RIT2: variants seen among roughly 807,000 people sequenced by gnomAD.
RIT2 encodes GTP-binding protein Rit2.
In RIT2, 24 loss-of-function variants were observed where a neutral mutation model predicts 23.7. The ratio of observed to expected loss-of-function variants is 1.01; its 90% CI spans 0.73 to 1.43. The LOEUF (loss-of-function observed/expected upper bound fraction) is 1.43. Ranked by LOEUF, RIT2 falls within the 40% of genes most tolerant of loss-of-function variation. The pLI, the probability that RIT2 is intolerant of heterozygous loss-of-function variation, is 0.00. For synonymous variants in RIT2, 107 were observed against 91.1 expected, an observed-to-expected ratio of 1.17 and a Z score of -0.99; for missense variants, 236 against 266.9, an observed-to-expected ratio of 0.88 and a Z score of 0.81.
chr18:42,980,655 C>G (rs532623828), intron 2 of RIT2, among the ~76,000 whole-genome samples: 1 of 152,270 alleles, frequency 6.6e-6, no homozygotes, highest in African/African-American at 2.4e-5. Context: ...GTCTGTGCCC[C>G]TGGACTCCTC....
intron 4 of RIT2, among the ~76,000 whole-genome samples, chr18:42,862,156 T>C (rs963776758): frequency 6.6e-6 from 1 of 152,184 alleles, no homozygotes; most frequent in Non-Finnish European, 1.5e-5. Context: ...GGGAGGGACC[T>C]GGTGAGAGAT....
In RIT2 at chr18:42,898,962, A is replaced by C. The variant is rs532168364; in HGVS notation, c.426+24610T>G. Among the ~76,000 whole-genome samples, 13 of 152,242 alleles carry C rather than the reference A, an allele frequency of 8.5e-5. No homozygotes were observed. The South Asian group carries it at 2.1e-3, about 24-fold the overall frequency. ...CTTTGTCTTATTACAAATGATGCTCACTTTTATCACTTGGTTACAGTGTTG... is the reference window on the plus strand; with the variant it reads ...CTTTGTCTTATTACAAATGATGCTCCCTTTTATCACTTGGTTACAGTGTTG... On this transcript the variant is annotated intron_variant, in intron 4 of 4. Transcript: ENST00000326695.
At chr18:43,063,688 A>G (rs1039870012) in intron 1 of RIT2, among the ~76,000 whole-genome samples, 1 of 152,180 alleles carries the variant, frequency 6.6e-6, no homozygotes, top group Non-Finnish European at 1.5e-5. Flanking sequence ...CATAAAATAC[A>G]GTTCTTATGT....
chr18:42,962,851 C>CA (rs1309241698), intron 3 of RIT2, among the ~76,000 whole-genome samples: 1 of 152,132 alleles, frequency 6.6e-6, no homozygotes, highest in Non-Finnish European at 1.5e-5. Context: ...ATAAACTTCA[C>CA]AAATGGTCTG....
chr18:42,861,637 G>A (rs1907330879), intron 4 of RIT2, among the ~76,000 whole-genome samples: 1 of 152,172 alleles, frequency 6.6e-6, no homozygotes, highest in South Asian at 2.1e-4. Context: ...TTCTGACCAT[G>A]CTGTTCCACT....
intron 4 of RIT2, among the ~76,000 whole-genome samples, chr18:42,856,916 G>C (rs113664970): frequency 0.11 from 15,644 of 138,668 alleles, 938 homozygotes; most frequent in Middle Eastern, 0.26. Context: ...TGAAAGCTCC[G>C]CCTCCCAGTT....
chr18:42,988,848 G>T (rs1421342359), intron 2 of RIT2, among the ~76,000 whole-genome samples: 2 of 152,194 alleles, frequency 1.3e-5, no homozygotes, highest in Non-Finnish European at 2.9e-5. Flanking sequence ...GTGAACAGCA[G>T]AGCTGCAAGA....
intron 4 of RIT2, among the ~76,000 whole-genome samples, chr18:42,834,428 G>C (rs1598674243): frequency 6.6e-6 from 1 of 152,118 alleles, no homozygotes; most frequent in East Asian, 1.9e-4. Flanking sequence ...CCAAAATGAT[G>C]CTTTAACTGA....
intron 1 of RIT2, among the ~76,000 whole-genome samples, chr18:43,046,817 A>G (rs1045383318): frequency 6.6e-6 from 1 of 152,190 alleles, no homozygotes; most frequent in Admixed American, 6.5e-5. Flanking sequence ...GACAAATGCA[A>G]TTGTCTTTTA....
At chr18:42,858,289 C>T (rs774283448) in intron 4 of RIT2, among the ~76,000 whole-genome samples, 2 of 152,306 alleles carry the variant, frequency 1.3e-5, no homozygotes, top group African/African-American at 2.4e-5. Context: ...ACCATCTCTG[C>T]ACTTCTGTAT....
At chr18:42,791,479 A>G (rs1427326667) in intron 4 of RIT2, among the ~76,000 whole-genome samples, 2 of 152,148 alleles carry the variant, frequency 1.3e-5, no homozygotes, top group Non-Finnish European at 2.9e-5. Flanking sequence ...CAAGTACCCA[A>G]ATATTTACTT....
rs535614707 is a variant in RIT2, at chr18:42,823,013, T to A, written c.427-79293A>T. ...CCCAAGAAAACTATGGTGGAAAGCC[T>A]ATCCGTGGAGCATCCCCAGAGGCTC... On this transcript the variant is annotated intron_variant, in intron 4 of 4. Transcript: ENST00000326695. 1.4e-3 allele frequency among the ~76,000 whole-genome samples: 220 copies of A among 152,226 alleles called. 2 individuals are homozygous for A. Among genetic ancestry groups the A allele is most frequent in the Middle Eastern group, 3.4e-3 (1 of 294 alleles).
chr18:42,807,213 A>T (rs1187430255), intron 4 of RIT2, among the ~76,000 whole-genome samples: 1 of 152,228 alleles, frequency 6.6e-6, no homozygotes, highest in Non-Finnish European at 1.5e-5. Context: ...TATTCTTGAC[A>T]AGACATGGAC....
At chr18:42,846,401 G>A (rs1226135242) in intron 4 of RIT2, among the ~76,000 whole-genome samples, 1 of 151,880 alleles carries the variant, frequency 6.6e-6, no homozygotes, top group Non-Finnish European at 1.5e-5. Context: ...ATGAATTTGA[G>A]TATGTATTTA....
At chr18:43,091,024 C>T (rs1913411077) in intron 1 of RIT2, among the ~76,000 whole-genome samples, 1 of 151,464 alleles carries the variant, frequency 6.6e-6, no homozygotes, top group Non-Finnish European at 1.5e-5. Context: ...CCTGCACATC[C>T]CTGAACTTAA....
Position 42,972,163 on chromosome 18 carries a change from A to G in RIT2, c.234+1911T>C, listed in dbSNP as rs114788797. Among the ~76,000 whole-genome samples, 545 of 152,032 alleles carry G rather than the reference A, an allele frequency of 3.6e-3. 9 individuals carry two copies. The highest frequency in any genetic ancestry group is 0.018 in the South Asian group (85 of 4,824). Reference sequence around the variant, plus strand: ...ATTTAACCTACTCAATGTTCTTCCAATTAGATCTCTAGTTTCCACTGAAAA... The same window carrying G: ...ATTTAACCTACTCAATGTTCTTCCAGTTAGATCTCTAGTTTCCACTGAAAA... On this transcript the variant is annotated intron_variant, in intron 3 of 4. Coordinates refer to ENST00000326695, the MANE Select transcript of RIT2 (RefSeq NM_002930.4).
intron 2 of RIT2, among the ~76,000 whole-genome samples, chr18:43,016,387 A>G (rs761222994): frequency 6.6e-6 from 1 of 151,850 alleles, no homozygotes; most frequent in Non-Finnish European, 1.5e-5. Flanking sequence ...AAAAATAAAT[A>G]TGGCTGGCAT....
intron 4 of RIT2, among the ~76,000 whole-genome samples, chr18:42,912,553 A>G (rs374224361): frequency 6.6e-6 from 1 of 151,958 alleles, no homozygotes; most frequent in South Asian, 2.1e-4. Context: ...TTGAGGACTA[A>G]TAAGTTTCTC....
chr18:42,806,276 C>T (rs1169875885), intron 4 of RIT2, among the ~76,000 whole-genome samples: 2 of 151,700 alleles, frequency 1.3e-5, no homozygotes, highest in African/African-American at 4.8e-5. Context: ...CGAGACCAGC[C>T]TGACCAACAT....
Sources: gnomAD v4.1 joint callset for allele counts (sites outside exome capture counted in the v4.1 genomes callset) on GRCh38, gnomAD v4.1.1 for gene constraint, MANE v1.5 for transcripts, NCBI Gene and HGNC (gene_info 2026-07-23, HGNC 2026-07-21) for gene names.